Variants in RBFOX1 observed in about 807,000 individuals in gnomAD.
The protein encoded by RBFOX1 is RNA binding protein fox-1 homolog 1.
RBFOX1 carries 8 observed loss-of-function variants against 57.7 expected under a neutral mutation model. The ratio of observed to expected loss-of-function variants is 0.14; its 90% confidence interval spans 0.08 to 0.25. RBFOX1 has a LOEUF of 0.25. Among genes scored for constraint, RBFOX1 ranks in the 10% least tolerant of loss-of-function variants. The pLI, the probability that RBFOX1 is intolerant of heterozygous loss-of-function variation, is 1.00. For missense variants in RBFOX1, 611 were observed against 548.5 expected (o/e 1.11, Z -1.14); for synonymous variants, 326 against 222.4 (o/e 1.47, Z -4.15).
intron 4 of RBFOX1, among the ~76,000 whole-genome samples, chr16:7,099,133 G>C (rs1331339380): frequency 6.6e-6 from 1 of 152,002 alleles, no homozygotes; most frequent in Non-Finnish European, 1.5e-5. Context: ...ATGGCAGATA[G>C]TAGCTGTTTA....
chr16:6,661,051 A>G (rs763071554), intron 3 of RBFOX1, among the ~76,000 whole-genome samples: 2 of 152,222 alleles, frequency 1.3e-5, no homozygotes, highest in African/African-American at 2.4e-5. Context: ...GCGACCTGGA[A>G]GGTGATACCT....
At chr16:6,168,218 C>A (rs986571136) in intron 1 of RBFOX1, among the ~76,000 whole-genome samples, 1 of 152,202 alleles carries the variant, frequency 6.6e-6, no homozygotes, top group African/African-American at 2.4e-5. Context: ...TGCTCATAAT[C>A]TATTAGTTTA....
chr16:7,229,600 A>AGAGG (rs2093359364), intron 4 of RBFOX1, among the ~76,000 whole-genome samples: 1 of 129,248 alleles, frequency 7.7e-6, no homozygotes, highest in African/African-American at 3.0e-5. Flanking sequence ...AGAGGAAGGA[A>AGAGG]GGAAGGAAGG....
intron 5 of RBFOX1, among the ~76,000 whole-genome samples, chr16:7,524,647 C>G (rs2078273259): frequency 6.6e-6 from 1 of 152,176 alleles, no homozygotes; most frequent in East Asian, 1.9e-4. Context: ...TGTGGGTGCC[C>G]CAGCTAGGTT....
intron 2 of RBFOX1, among the ~76,000 whole-genome samples, chr16:6,578,548 C>A (rs1026204962): frequency 1.5e-5 from 2 of 131,558 alleles, no homozygotes; most frequent in Admixed American, 8.2e-5. Context: ...GTCCTAAACT[C>A]CAAACATTGT....
chr16:5,978,313 C>T (rs2060107628), intron 4 of RBFOX1, among the ~76,000 whole-genome samples: 1 of 151,634 alleles, frequency 6.6e-6, no homozygotes, highest in South Asian at 2.1e-4. Flanking sequence ...GGCCCCATTT[C>T]TTAAGAGATA....
chr16:6,914,062 C>A (rs1202159624), intron 3 of RBFOX1, among the ~76,000 whole-genome samples: 1 of 152,160 alleles, frequency 6.6e-6, no homozygotes, highest in East Asian at 1.9e-4. Flanking sequence ...GGGTTAGAAA[C>A]CCATCTTTTG....
At chr16:7,693,829 C>G (rs1486664140) in intron 14 of RBFOX1, among the ~76,000 whole-genome samples, 1 of 152,088 alleles carries the variant, frequency 6.6e-6, no homozygotes, top group African/African-American at 2.4e-5. Context: ...TAGAGGCATT[C>G]GAGAATATAA....
At chr16:7,004,874 G>C (rs951475478) in intron 3 of RBFOX1, among the ~76,000 whole-genome samples, 1 of 152,158 alleles carries the variant, frequency 6.6e-6, no homozygotes, top group African/African-American at 2.4e-5. Context: ...AAGAGGCCAG[G>C]TGAGGTGACT....
intron 1 of RBFOX1, among the ~76,000 whole-genome samples, chr16:5,389,178 G>A (rs1011743026): frequency 1.4e-5 from 2 of 145,362 alleles, no homozygotes; most frequent in Non-Finnish European, 3.0e-5. Flanking sequence ...GCGACAGAGC[G>A]AGACTCCGTC....
intron 2 of RBFOX1, among the ~76,000 whole-genome samples, chr16:6,648,764 C>A (rs2098553720): frequency 6.6e-6 from 1 of 152,162 alleles, no homozygotes; most frequent in African/African-American, 2.4e-5. Flanking sequence ...CTTTTTCTCA[C>A]CTCATTTCTC....
At chr16:7,389,805 G>C (rs1463334262) in intron 4 of RBFOX1, among the ~76,000 whole-genome samples, 1 of 152,128 alleles carries the variant, frequency 6.6e-6, no homozygotes, top group Non-Finnish European at 1.5e-5. Context: ...CTTCTAGTAT[G>C]CTTAAGGCTT....
intron 3 of RBFOX1, among the ~76,000 whole-genome samples, chr16:5,712,900 T>G (rs2051546875): frequency 6.6e-6 from 1 of 152,190 alleles, no homozygotes; most frequent in Non-Finnish European, 1.5e-5. Context: ...TTTTTAAATA[T>G]TGACTAGTCA....
At chr16:6,357,776 C>A (rs2087639181) in intron 2 of RBFOX1, among the ~76,000 whole-genome samples, 1 of 151,830 alleles carries the variant, frequency 6.6e-6, no homozygotes, top group Non-Finnish European at 1.5e-5. Flanking sequence ...TCGTGAAACA[C>A]CCTGTCTCTA....
chr16:6,692,280 G>C (rs1437476545), intron 3 of RBFOX1, among the ~76,000 whole-genome samples: 2 of 149,144 alleles, frequency 1.3e-5, no homozygotes, highest in South Asian at 2.1e-4. Context: ...CTGAGCTGTG[G>C]TTTGGATTCA....
At chr16:7,014,449 G>T (rs1399733531) in intron 3 of RBFOX1, among the ~76,000 whole-genome samples, 1 of 151,108 alleles carries the variant, frequency 6.6e-6, no homozygotes, top group East Asian at 2.0e-4. Context: ...GTTTTACCAT[G>T]TTGGCCAGGC....
chr16:7,568,782 G>A (rs1032388807), intron 5 of RBFOX1, among the ~76,000 whole-genome samples: 9 of 150,980 alleles, frequency 6.0e-5, no homozygotes, highest in Admixed American at 3.3e-4. Flanking sequence ...AGCTACTTGG[G>A]AGGCTGAGGC....
chr16:6,902,275 C>T (rs1448758966), intron 3 of RBFOX1, among the ~76,000 whole-genome samples: 1 of 152,032 alleles, frequency 6.6e-6, no homozygotes, highest in Non-Finnish European at 1.5e-5. Context: ...TTTTTGTTTC[C>T]ACTGTGTTCC....
chr16:5,453,454 G>A (rs773769213), intron 1 of RBFOX1, among the ~76,000 whole-genome samples: 9 of 152,136 alleles, frequency 5.9e-5, no homozygotes, highest in Non-Finnish European at 4.4e-5. Flanking sequence ...ATAGAGGATA[G>A]GACACCTATC....
Sources: gnomAD v4.1 joint callset for allele counts (sites outside exome capture counted in the v4.1 genomes callset) on GRCh38, gnomAD v4.1.1 for gene constraint, MANE v1.5 for transcripts, NCBI Gene and HGNC (gene_info 2026-07-23, HGNC 2026-07-21) for gene names.